Variants in CHEK2 observed in about 807,000 individuals in gnomAD.
CHEK2 encodes checkpoint kinase 2, also known as serine/threonine-protein kinase Chk2.
Under a neutral mutation model 69.1 loss-of-function variants are expected in CHEK2, and 71 were observed. That is an observed-to-expected ratio of 1.03 (90% CI 0.85 to 1.25). The LOEUF (loss-of-function observed/expected upper bound fraction) is 1.25, where lower values mean the gene tolerates loss of function less well. CHEK2 is among the 50% of genes most tolerant of loss of function. CHEK2 has a pLI of 0.00. For missense variants in CHEK2, 664 were observed against 649.6 expected (o/e 1.02, Z -0.24); for synonymous variants, 189 against 226.9 (o/e 0.83, Z 1.50).
At position 28,701,306 on chromosome 22, in the gene CHEK2, G is replaced by A. The variant is rs576521740; in HGVS notation, c.909-1369C>T. 1.5e-3 allele frequency among the ~76,000 whole-genome samples: 224 copies of A among 152,156 alleles called. 1 individual carries two copies. The highest frequency in any genetic ancestry group is 2.7e-3 in the Admixed American group (41 of 15,280). On this transcript the variant is annotated intron_variant, in intron 8 of 14. Transcript: ENST00000404276. ...GCTCACTACAACCTCCGCCTCCCAG[G>A]TTCAAGCGATTCTCCACGCCTCAGC...
At chr22:28,724,934 G>T in intron 4 of CHEK2, 43 bp downstream of exon 4, 1 of 1,606,296 alleles carries the variant, frequency 6.2e-7, no homozygotes, top group Non-Finnish European at 8.5e-7. Context: ...CTATGAGAGA[G>T]TGGAAAAAAA....
chr22:28,702,387 C>T lies in CHEK2; in HGVS notation c.908+1118G>A, dbSNP rs191767420. On this transcript the variant is annotated intron_variant, in intron 8 of 14. Coordinates refer to ENST00000404276, the MANE Select transcript of CHEK2 (RefSeq NM_007194.4). ...CCGAGTAGCTGGGACTACAGGAGCCCACCACCACACCCAGCTAATTTTTTG... is the reference window on the plus strand; with the variant it reads ...CCGAGTAGCTGGGACTACAGGAGCCTACCACCACACCCAGCTAATTTTTTG... Among the ~76,000 whole-genome samples the T allele has an allele frequency of 4.5e-3, 688 of 151,216 alleles. 8 individuals are homozygous for T. The highest frequency in any genetic ancestry group is 6.3e-3 in the Non-Finnish European group (424 of 67,808).
chr22:28,740,484 T>C (rs1415085381), intron 1 of CHEK2, among the ~76,000 whole-genome samples: 1 of 152,216 alleles, frequency 6.6e-6, no homozygotes, highest in East Asian at 1.9e-4. Context: ...TGATAACCAC[T>C]TTCCCTATCC....
rs569147323 is a variant in CHEK2 at position 28,694,140 on chromosome 22, C to G, written c.1376-23G>C. The G allele has an allele frequency of 1.8e-5, 27 of 1,501,478 alleles. No homozygotes were observed. In the South Asian group the frequency reaches 2.9e-4, roughly 16 times the overall value. The allele number at this position is 1,501,478 out of a possible 1,614,324, so 93.0% of individuals were successfully genotyped here. ...GAGCTAAAGCAACAATTGGGCAAAT[C>G]ACAGTGAAAAGGATAAATATATTAT... On this transcript the variant is annotated intron_variant, in intron 12 of 14. Transcript: ENST00000404276.
At chr22:28,707,374 A>C (rs2053191297) in intron 7 of CHEK2, among the ~76,000 whole-genome samples, 1 of 152,234 alleles carries the variant, frequency 6.6e-6, no homozygotes, top group Non-Finnish European at 1.5e-5. Flanking sequence ...CAGCTGAGGA[A>C]ACGGGGGCTC....
chr22:28,737,947 T>C (rs2054460089), intron 1 of CHEK2: 1 of 152,446 alleles, frequency 6.6e-6, no homozygotes, highest in African/African-American at 2.4e-5. Context: ...GGTTCATGTC[T>C]GTAATCCCAG....
At chr22:28,733,128 C>G (rs1337177975) in intron 2 of CHEK2, among the ~76,000 whole-genome samples, 1 of 152,166 alleles carries the variant, frequency 6.6e-6, no homozygotes, top group Non-Finnish European at 1.5e-5. Context: ...TAAACATATG[C>G]AGAGCAAAAC....
intron 7 of CHEK2, among the ~76,000 whole-genome samples, chr22:28,704,195 T>C (rs559237005): frequency 1.3e-5 from 2 of 151,338 alleles, no homozygotes; most frequent in African/African-American, 4.9e-5. Context: ...CACTGATCAA[T>C]GCAGGGTGCA....
chr22:28,719,048 G>A (rs928371262), intron 5 of CHEK2, among the ~76,000 whole-genome samples: 3 of 151,964 alleles, frequency 2.0e-5, no homozygotes, highest in African/African-American at 4.8e-5. Flanking sequence ...GCAACACAGC[G>A]CAACCCCAAC....
intron 7 of CHEK2, among the ~76,000 whole-genome samples, chr22:28,707,410 C>T (rs1249149986): frequency 2.6e-5 from 4 of 152,174 alleles, no homozygotes; most frequent in Admixed American, 1.3e-4. Context: ...ACTTCTCAAA[C>T]GACTTCTCAG....
In CHEK2 at chr22:28,708,363, A is replaced by ATGTGTGTGTGTGTGTGTG. The variant is rs10694007; in HGVS notation, c.846+1625_846+1642dup. Among the ~76,000 whole-genome samples, 249 of 139,762 alleles carry ATGTGTGTGTGTGTGTGTG rather than the reference A, an allele frequency of 1.8e-3. 4 individuals carry two copies. Among genetic ancestry groups the ATGTGTGTGTGTGTGTGTG allele is most frequent in the Middle Eastern group, 3.4e-3 (1 of 292 alleles). The allele number at this position is 139,762 out of a possible 152,430, so 91.7% of individuals were successfully genotyped here. Reference sequence around the variant, plus strand: ...ACAGAGACAGACTGTCTCTAAAAATATGTGTGTGTGTGTGTGTGTGTGTGT... The same window carrying ATGTGTGTGTGTGTGTGTG: ...ACAGAGACAGACTGTCTCTAAAAATATGTGTGTGTGTGTGTGTGTGTGTGTGTGTGTGTGTGTGTGTGT... On this transcript the variant is annotated intron_variant, in intron 7 of 14. Coordinates refer to ENST00000404276, the MANE Select transcript of CHEK2 (RefSeq NM_007194.4).
chr22:28,721,228 A>T (rs12165475), intron 4 of CHEK2, among the ~76,000 whole-genome samples: 6,774 of 150,708 alleles, frequency 0.045, 179 homozygotes, highest in Middle Eastern at 0.074. Flanking sequence ...ATTGTACAAC[A>T]TGGTGATTGT....
intron 2 of CHEK2, chr22:28,729,139 T>G (rs1335837186): frequency 6.3e-6 from 1 of 157,914 alleles, no homozygotes; most frequent in Non-Finnish European, 1.4e-5. Flanking sequence ...GACATCACAG[T>G]AAAACCACAA....
intron 5 of CHEK2, among the ~76,000 whole-genome samples, chr22:28,714,110 A>C (rs2053506885): frequency 6.6e-6 from 1 of 152,174 alleles, no homozygotes; most frequent in African/African-American, 2.4e-5. Context: ...CATAGAGCTC[A>C]GATGTTTACC....
rs750596499 is a variant in CHEK2 at position 28,734,438 on chromosome 22, C to G, written c.284G>C (p.Arg95Pro). 5.6e-6 allele frequency: 9 copies of G among 1,613,914 alleles called. No individual in the cohort carries two copies. Among genetic ancestry groups the G allele is most frequent in the East Asian group, 2.2e-5 (1 of 44,896 alleles). ...AAATCCATCCTGAAGGGCCCATAAT[C>G]GAGCCCAGGGGGCAGGGGTAGGCTC... ...PEEPTPAPWA[R>P]LWALQDGFAN... The change falls in exon 2 of 15, where the codon CGA becomes CCA. Residue 95 changes from arginine to proline, a missense_variant. Physicochemically the swap from Arg to Pro is moderately radical, Grantham distance 103. Transcript: ENST00000404276.
In CHEK2 at chr22:28,709,989, CATATAATAATACT is replaced by C; in HGVS notation, c.846+4_846+16del. ...GAGATAGATAAATCTAAGTATGAGTCATATAATAATACTTACATGATTTAGCTTTTTCAAAATT... is the reference window on the plus strand; with the variant it reads ...GAGATAGATAAATCTAAGTATGAGTCTACATGATTTAGCTTTTTCAAAATT... On this transcript the variant is annotated splice_donor_5th_base_variant and intron_variant, in intron 7 of 14. Transcript: ENST00000404276. 1 of 1,297,252 alleles carries C rather than the reference CATATAATAATACT, an allele frequency of 7.7e-7. No individual in the cohort carries two copies. The highest frequency in any genetic ancestry group is 1.1e-6 in the Non-Finnish European group (1 of 895,398). 80.4% of individuals were successfully genotyped at this position (1,297,252 alleles called of 1,614,324 possible).
chr22:28,690,839 G>A (rs562919007), intron 13 of CHEK2, among the ~76,000 whole-genome samples: 4 of 140,360 alleles, frequency 2.8e-5, no homozygotes, highest in African/African-American at 7.9e-5. Context: ...GAGGGGGGAC[G>A]AAAGAAGGGA....
intron 8 of CHEK2, 143 bp downstream of exon 8, chr22:28,703,362 A>G (rs2052964562): frequency 1.6e-6 from 1 of 626,678 alleles, no homozygotes; most frequent in South Asian, 1.9e-5. Context: ...TTAACCCCCT[A>G]TACACAGACT....
chr22:28,689,195 C>G lies in CHEK2; in HGVS notation c.1482G>C (p.Lys494Asn), dbSNP rs767043399. 6 of 1,592,122 alleles carry G rather than the reference C, an allele frequency of 3.8e-6. No individual in the cohort carries two copies. The highest frequency in any genetic ancestry group is 4.5e-4 in the Middle Eastern group (2 of 4,416). Residue 494 changes from lysine to asparagine, a missense_variant, in exon 14 of 15, where the codon AAG (lysine) becomes AAC (asparagine). By Grantham distance (94) the Lys-to-Asn change is moderately conservative. Coordinates refer to ENST00000404276, the MANE Select transcript of CHEK2 (RefSeq NM_007194.4). The part of the protein sequence containing the change: ...PWLQDEDMKR[K>N]FQDLLSEENE... ...TTTCCTCAGACAGAAGATCTTGAAA[C>G]TTTCTCTTCATGTCTTCATCCTGTG...
Sources: allele counts gnomAD v4.1 joint callset (sites outside exome capture counted in the v4.1 genomes callset), GRCh38; gene constraint gnomAD v4.1.1; transcripts MANE v1.5; gene names NCBI Gene and HGNC (gene_info 2026-07-23, HGNC 2026-07-21).